The following RANBP2 variants were observed in gnomAD, a reference collection of about 807,000 sequenced individuals.
RANBP2 encodes RAN binding protein 2.
A neutral mutation model predicts 303.6 loss-of-function variants in RANBP2; 57 were observed. The observed-to-expected ratio is 0.19, with a 90% CI of 0.15 to 0.23. The LOEUF (loss-of-function observed/expected upper bound fraction) is 0.23, where lower values mean the gene tolerates loss of function less well. Ranked by LOEUF, RANBP2 falls within the 10% of genes least tolerant of loss-of-function variation. The pLI is 1.00. For missense variants in RANBP2, 3,138 were observed against 3,780.8 expected (o/e 0.83, Z 4.46); for synonymous variants, 1,167 against 1,301.5 (o/e 0.90, Z 2.23).
the RANBP2 span, among the ~76,000 whole-genome samples, chr2:109,716,630 T>G: frequency 6.6e-6 from 1 of 152,164 alleles, no homozygotes; most frequent in Non-Finnish European, 1.5e-5. Flanking sequence ...TACTGCAGCC[T>G]CCACCTCCCA....
chr2:109,647,104 T>C, the RANBP2 span, among the ~76,000 whole-genome samples: 1 of 150,860 alleles, frequency 6.6e-6, no homozygotes, highest in African/African-American at 2.4e-5. Flanking sequence ...GCCCAGACCT[T>C]CCTGTGCGTG....
At chr2:109,449,852 A>C in the RANBP2 span, among the ~76,000 whole-genome samples, 1 of 152,256 alleles carries the variant, frequency 6.6e-6, no homozygotes, top group Non-Finnish European at 1.5e-5. Context: ...ATATTGTAAT[A>C]ATAAATATAC....
the RANBP2 span, among the ~76,000 whole-genome samples, chr2:109,277,702 C>G: frequency 2.6e-5 from 4 of 152,200 alleles, no homozygotes; most frequent in African/African-American, 9.7e-5. Context: ...TGAGGAGCCC[C>G]AGGTGTATTG....
At chr2:109,616,095 G>T in the RANBP2 span, 1 of 1,474,770 alleles carries the variant, frequency 6.8e-7, no homozygotes, top group Non-Finnish European at 9.0e-7. Context: ...AAATGCAAAG[G>T]TTTATTTGTC....
the RANBP2 span, among the ~76,000 whole-genome samples, chr2:109,315,018 C>T: frequency 0.31 from 47,668 of 152,140 alleles, 9,237 homozygotes; most frequent in African/African-American, 0.55. Flanking sequence ...AGGTAGCCAC[C>T]GACCACACTC....
the RANBP2 span, among the ~76,000 whole-genome samples, chr2:109,550,298 A>C: frequency 1.3e-4 from 20 of 150,224 alleles, no homozygotes; most frequent in Non-Finnish European, 2.7e-4. Context: ...CTCAAAAAAC[A>C]AAAAAAAAGT....
the RANBP2 span, among the ~76,000 whole-genome samples, chr2:109,051,052 T>C: frequency 3.9e-5 from 6 of 152,202 alleles, no homozygotes; most frequent in African/African-American, 1.4e-4. Context: ...ACACTGTTTT[T>C]ATCCCATACC....
the RANBP2 span, among the ~76,000 whole-genome samples, chr2:109,404,060 C>T: frequency 6.6e-6 from 1 of 152,174 alleles, no homozygotes; most frequent in Non-Finnish European, 1.5e-5. Flanking sequence ...CTGCTTTCTG[C>T]TCCAGGAGCC....
At chr2:109,652,790 C>T in the RANBP2 span, among the ~76,000 whole-genome samples, 5 of 152,270 alleles carry the variant, frequency 3.3e-5, no homozygotes, top group South Asian at 6.2e-4. Context: ...GTAGAAGCTA[C>T]GGATTTGCTC....
At chr2:109,401,556 T>C in the RANBP2 span, among the ~76,000 whole-genome samples, 4 of 152,188 alleles carry the variant, frequency 2.6e-5, no homozygotes, top group African/African-American at 9.7e-5. Flanking sequence ...GTGAGTAATA[T>C]GTCCAAAGCT....
At chr2:108,781,204 T>C in intron 25 of RANBP2, 65 bp from the exon 26 acceptor site, 1 of 1,499,644 alleles carries the variant, frequency 6.7e-7, no homozygotes, top group South Asian at 1.1e-5. Flanking sequence ...ATTGATAAAA[T>C]AAGAGGGGGA....
chr2:108,939,266 A>AACCTCCGCC, the RANBP2 span, among the ~76,000 whole-genome samples: 1 of 151,840 alleles, frequency 6.6e-6, no homozygotes, highest in Admixed American at 6.6e-5. Context: ...CAACCTCCGC[A>AACCTCCGCC]ACCTCCGCCT....
the RANBP2 span, chr2:109,618,766 T>C: frequency 3.0e-5 from 5 of 167,124 alleles, no homozygotes; most frequent in South Asian, 1.0e-3. Flanking sequence ...TCCATGTGTT[T>C]CTTATAAGGT....
the RANBP2 span, among the ~76,000 whole-genome samples, chr2:109,367,021 T>TTGGTTCACTGCAACTTTCACCTCC: frequency 3.9e-5 from 6 of 152,228 alleles, no homozygotes; most frequent in South Asian, 1.2e-3. Context: ...TGGCATGATC[T>TTGGTTCACTGCAACTTTCACCTCC]TGGTTCACTG....
At chr2:109,567,827 G>A in the RANBP2 span, 42 of 1,601,904 alleles carry the variant, frequency 2.6e-5, no homozygotes, top group South Asian at 2.7e-4. Context: ...TCATTGCAGC[G>A]TTGACCTTAG....
At chr2:109,378,707 AATTTCTCTACTGCT>A in the RANBP2 span, among the ~76,000 whole-genome samples, 1 of 152,116 alleles carries the variant, frequency 6.6e-6, no homozygotes, top group East Asian at 1.9e-4. Flanking sequence ...ATGTGGGGCT[AATTTCTCTACTGCT>A]GAGGCTATAA....
At chr2:109,531,770 T>C in the RANBP2 span, among the ~76,000 whole-genome samples, 1 of 152,140 alleles carries the variant, frequency 6.6e-6, no homozygotes, top group African/African-American at 2.4e-5. Flanking sequence ...AGTGCATAAA[T>C]ATTGCATCTA....
At chr2:109,595,632 G>C in the RANBP2 span, among the ~76,000 whole-genome samples, 1 of 152,146 alleles carries the variant, frequency 6.6e-6, no homozygotes, top group South Asian at 2.1e-4. Flanking sequence ...TATAAATCTA[G>C]ATGAGAAATT....
chr2:109,652,712 C>G, the RANBP2 span, among the ~76,000 whole-genome samples: 35 of 152,194 alleles, frequency 2.3e-4, no homozygotes, highest in Non-Finnish European at 5.9e-5. Context: ...ATGGCCAAGA[C>G]TTCAGTCTCT....
Sources: gnomAD v4.1 joint callset for allele counts (sites outside exome capture counted in the v4.1 genomes callset) on GRCh38, gnomAD v4.1.1 for gene constraint, MANE v1.5 for transcripts, NCBI Gene and HGNC (gene_info 2026-07-23, HGNC 2026-07-21) for gene names.